ZBED5: variants seen among roughly 807,000 people sequenced by gnomAD.
ZBED5 encodes zinc finger BED-type containing 5, also known as zinc finger BED domain-containing protein 5.
Under a neutral mutation model 49.2 loss-of-function variants are expected in ZBED5, and 29 were observed. The ratio of observed to expected loss-of-function variants is 0.59; its 90% CI spans 0.44 to 0.80. ZBED5 has a LOEUF of 0.80. Ranked by LOEUF, ZBED5 falls within the 30% of genes least tolerant of loss-of-function variation. ZBED5 has a pLI of 0.00. For synonymous variants in ZBED5, 281 were observed against 292.5 expected (o/e 0.96, Z 0.40); for missense variants, 775 against 812.9 (o/e 0.95, Z 0.57).
chr11:10,853,866 TATTA>T lies in ZBED5; in HGVS notation c.1076_1079del (p.Leu359Ter). The T allele has an allele frequency of 6.4e-7, 1 of 1,551,668 alleles. No individual in the cohort carries two copies. The highest frequency in any genetic ancestry group is 1.4e-5 in the African/African-American group (1 of 73,162). ...TGGTGCTTTCGGGAGCCACATATTT[TATTA>T]AGGTGACAGCTTCGGCAATTTTCCC... On this transcript the variant is annotated frameshift_variant, in exon 3 of 3. Transcript: ENST00000413761. LOFTEE classifies it high-confidence loss of function. This position sits in a 1 kb window ranked among gnomAD's most constrained non-coding sequence, Gnocchi z 5.4.
rs1186433788 is a variant in ZBED5 at position 10,853,328 on chromosome 11, T to C, written c.1618A>G (p.Thr540Ala). 1.3e-6 allele frequency: 2 copies of C among 1,551,650 alleles called. No individual in the cohort carries two copies. Among genetic ancestry groups the C allele is most frequent in the East Asian group, 2.4e-5 (1 of 40,930 alleles). ...LSDFLTEINS[T>A]VDKDICSAIV... The stretch of plus-strand genomic sequence containing the variant: ...GCACTGCAAATATCTTTATCAACTG[T>C]AGAATTAATTTCAGTCAAAAAATCA... The change falls in exon 3 of 3, where the codon ACA (threonine) becomes GCA (alanine). Residue 540 changes from threonine (T) to alanine (A), a missense_variant. By Grantham distance (58) the Thr-to-Ala change is moderately conservative (BLOSUM62 0). Transcript: ENST00000413761. The surrounding 1 kb of genome is among the most constrained non-coding windows in gnomAD (Gnocchi z 5.4).
At position 10,853,829 on chromosome 11, in the gene ZBED5, G is replaced by C; in HGVS notation, c.1117C>G (p.Leu373Val). 4 of 1,551,608 alleles carry C rather than the reference G, an allele frequency of 2.6e-6. No individual in the cohort carries two copies. Among genetic ancestry groups the C allele is most frequent in the Non-Finnish European group, 3.5e-6 (4 of 1,146,934 alleles). The change falls in exon 3 of 3, where the codon CTA (leucine) becomes GTA (valine). Residue 373 changes from leucine (L) to valine (V), a missense_variant. Transcript: ENST00000413761. The surrounding 1 kb of genome is among the most constrained non-coding windows in gnomAD (Gnocchi z 5.4). ...VAPESTSSHC[L>V]LYRHALAVKI... The stretch of plus-strand genomic sequence containing the variant: ...ACTGCCAGTGCATGTCTGTATAATA[G>C]GCAGTGACTACTGGTGCTTTCGGGA...
Position 10,854,456 on chromosome 11 carries a change from C to G in ZBED5, c.490G>C (p.Asp164His). Residue 164 changes from aspartate (D) to histidine (H), a missense_variant, in exon 3 of 3, where the codon GAC becomes CAC. Coordinates refer to ENST00000413761, the MANE Select transcript of ZBED5 (RefSeq NM_001143667.2). This position sits in a 1 kb window ranked among gnomAD's most constrained non-coding sequence, Gnocchi z 5.0. ...AGATGTTGCTTGAAAAAGCTTATGT[C>G]TTTGTCTTTATATGCAGCATGTTTA... is the stretch of plus-strand genomic sequence containing the variant. ...ETKHAAYKDKDISFFKQHLDS... is the reference protein window; with the variant it reads ...ETKHAAYKDKHISFFKQHLDS... The G allele has an allele frequency of 6.4e-7, 1 of 1,551,338 alleles. No homozygotes were observed. The highest frequency in any genetic ancestry group is 8.7e-7 in the Non-Finnish European group (1 of 1,146,860).
chr11:10,853,177 C>CGGA lies in ZBED5; in HGVS notation c.1768_1769insTCC (p.Ala589_Arg590insLeu). ...TAAATCAATCAGGCTCTCATAGTCC[C>CGGA]GTGCTACTAATGAAGCTGGTTTAAC... On this transcript the variant is annotated inframe_insertion, in exon 3 of 3. Transcript: ENST00000413761. The surrounding 1 kb of genome is among the most constrained non-coding windows in gnomAD (Gnocchi z 5.4). 2 of 1,551,616 alleles carry CGGA rather than the reference C, an allele frequency of 1.3e-6. No homozygotes were observed. Among genetic ancestry groups the CGGA allele is most frequent in the Middle Eastern group, 3.3e-4 (2 of 5,992 alleles).
In ZBED5 at chr11:10,855,188, A is replaced by C; in HGVS notation, c.-141-102T>G. 2.7e-6 allele frequency: 1 copy of C among 375,790 alleles called. No individual in the cohort carries two copies. The highest frequency in any genetic ancestry group is 4.9e-6 in the Non-Finnish European group (1 of 203,410). The allele number at this position is 375,790 out of a possible 1,614,324, so 23.3% of individuals were successfully genotyped here. A position where few individuals can be genotyped will look rare whatever the true frequency, so the allele number is the denominator to read the frequency against. On this transcript the variant is annotated intron_variant, in intron 2 of 2. Transcript: ENST00000413761. The surrounding 1 kb of genome is among the most constrained non-coding windows in gnomAD (Gnocchi z 4.1). The stretch of plus-strand genomic sequence containing the variant: ...CATATTAAAATCAACCATAAAGAAA[A>C]ACCAATATTAGCATCAATCATTTTC...
In ZBED5 at chr11:10,853,066, A is replaced by C. The variant is rs1388418469; in HGVS notation, c.1880T>G (p.Ile627Ser). Residue 627 changes from isoleucine to serine, a missense_variant, in exon 3 of 3, where the codon ATT (isoleucine) becomes AGT (serine). Ile to Ser is a moderately radical substitution (Grantham distance 142). Coordinates refer to ENST00000413761, the MANE Select transcript of ZBED5 (RefSeq NM_001143667.2). The surrounding 1 kb of genome is among the most constrained non-coding windows in gnomAD (Gnocchi z 5.4). ...WSSLIQEYPS[I>S]ARRAVRVLLP... ...AAGTACACGCACTGCACGCCTTGCA[A>C]TGCTTGGGTATTCCTGAATTAGGCT... 5.8e-6 allele frequency: 9 copies of C among 1,551,606 alleles called. No individual in the cohort carries two copies. Among genetic ancestry groups the C allele is most frequent in the Non-Finnish European group, 7.0e-6 (8 of 1,146,882 alleles).
Position 10,854,555 on chromosome 11 carries a change from G to A in ZBED5, c.391C>T (p.Gln131Ter). 6 of 1,551,430 alleles carry A rather than the reference G, an allele frequency of 3.9e-6. No individual in the cohort carries two copies. Among genetic ancestry groups the A allele is most frequent in the Non-Finnish European group, 5.2e-6 (6 of 1,146,912 alleles). ...YFGNRDAPHA[Q>*]CVLCKKILSN... is the part of the protein sequence containing the mutation. ...AAAATTTTCTTACATAATACACACTGAGCATGAGGTGCATCTCTATTTCCG... is the reference window on the plus strand; with the variant it reads ...AAAATTTTCTTACATAATACACACTAAGCATGAGGTGCATCTCTATTTCCG... The change falls in exon 3 of 3, where the codon CAG (glutamine) becomes TAG (stop). Residue 131 changes from glutamine to a stop codon, truncating the protein, a stop_gained. Coordinates refer to ENST00000413761, the MANE Select transcript of ZBED5 (RefSeq NM_001143667.2). LOFTEE classifies it high-confidence loss of function. The surrounding 1 kb of genome is among the most constrained non-coding windows in gnomAD (Gnocchi z 5.0).
Position 10,853,353 on chromosome 11 carries a change from A to C in ZBED5, c.1593T>G (p.Ser531Arg). ...EENFDCFPTLSDFLTEINSTV... is the reference protein window; with the variant it reads ...EENFDCFPTLRDFLTEINSTV... Reference sequence around the variant, plus strand: ...TAGAATTAATTTCAGTCAAAAAATCACTGAGTGTAGGAAAACAATCAAAGT... The same window carrying C: ...TAGAATTAATTTCAGTCAAAAAATCCCTGAGTGTAGGAAAACAATCAAAGT... The change falls in exon 3 of 3, where the codon AGT becomes AGG. Residue 531 changes from serine (S) to arginine (R), a missense_variant. Ser to Arg is a moderately radical substitution (Grantham distance 110, BLOSUM62 -1). Coordinates refer to ENST00000413761, the MANE Select transcript of ZBED5 (RefSeq NM_001143667.2). This position sits in a 1 kb window ranked among gnomAD's most constrained non-coding sequence, Gnocchi z 5.4. 1 of 1,551,620 alleles carries C rather than the reference A, an allele frequency of 6.4e-7. No individual in the cohort carries two copies. Among genetic ancestry groups the C allele is most frequent in the South Asian group, 1.2e-5 (1 of 84,058 alleles).
At position 10,856,200 on chromosome 11, in the gene ZBED5, T is replaced by G. The variant is rs947290637; in HGVS notation, c.-198A>C. The G allele has an allele frequency of 6.6e-6, 1 of 152,046 alleles. No homozygotes were observed. Among genetic ancestry groups the G allele is most frequent in the Non-Finnish European group, 1.5e-5 (1 of 68,008 alleles). The allele number at this position is 152,046 out of a possible 1,614,324, so 9.4% of individuals were successfully genotyped here. On this transcript the variant is annotated 5_prime_UTR_variant, in exon 2 of 3. Transcript: ENST00000413761. ...CTCTCTCCACCTTGGCAGCTTGAAA[T>G]GCACTCTTCAAAAGAATAAAATTAA...
At position 10,855,326 on chromosome 11, in the gene ZBED5, T is replaced by C. The variant is rs1011467148; in HGVS notation, c.-141-240A>G. On this transcript the variant is annotated intron_variant, in intron 2 of 2. Transcript: ENST00000413761. This position sits in a 1 kb window ranked among gnomAD's most constrained non-coding sequence, Gnocchi z 4.1. ...ATACATATTTTTAAGAAAGGGACCC[T>C]GAAGAATATGTCCCATGGCAGGGGT... Among the ~76,000 whole-genome samples, 2 of 152,172 alleles carry C rather than the reference T, an allele frequency of 1.3e-5. No homozygotes were observed. Among genetic ancestry groups the C allele is most frequent in the African/African-American group, 4.8e-5 (2 of 41,438 alleles).
Position 10,853,053 on chromosome 11 carries a change from T to A in ZBED5, c.1893A>T (p.Ala631=). The A allele has an allele frequency of 6.4e-7, 1 of 1,551,600 alleles. No individual in the cohort carries two copies. Among genetic ancestry groups the A allele is most frequent in the Non-Finnish European group, 8.7e-7 (1 of 1,146,878 alleles). Residue 631 remains alanine (A), a synonymous_variant, in exon 3 of 3, where the codon GCA becomes GCT. Transcript: ENST00000413761. The surrounding 1 kb of genome is among the most constrained non-coding windows in gnomAD (Gnocchi z 5.4). ...IQEYPSIARR[A]VRVLLPFATM... ...TAGCAAAAGGAAGAAGTACACGCAC[T>A]GCACGCCTTGCAATGCTTGGGTATT...
chr11:10,856,296 C>T (rs1848179307), intron 1 of ZBED5, 39 bp from the exon 2 acceptor site: 2 of 152,130 alleles, frequency 1.3e-5, no homozygotes, highest in South Asian at 4.1e-4. Context: ...CAGTAACAAG[C>T]AGAACTAACT....
In ZBED5 at chr11:10,853,389, T is replaced by C. The variant is rs1394472154; in HGVS notation, c.1557A>G (p.Val519=). Residue 519 remains valine (V), a synonymous_variant, in exon 3 of 3, where the codon GTA becomes GTG. Coordinates refer to ENST00000413761, the MANE Select transcript of ZBED5 (RefSeq NM_001143667.2). The surrounding 1 kb of genome is among the most constrained non-coding windows in gnomAD (Gnocchi z 5.4). The part of the protein sequence containing the change: ...LRKLEFWASS[V]EEENFDCFPT... ...GAAAACAATCAAAGTTTTCTTCTTC[T>C]ACAGATGAGGCCCAAAATTCCAATT... 1.9e-6 allele frequency: 3 copies of C among 1,550,598 alleles called. No homozygotes were observed. The Admixed American group carries it at 5.9e-5, about 31-fold the overall frequency.
In ZBED5 at chr11:10,853,156, T is replaced by G; in HGVS notation, c.1790A>C (p.Asp597Ala). The change falls in exon 3 of 3, where the codon GAT (aspartate) becomes GCT (alanine). Residue 597 changes from aspartate to alanine, a missense_variant. Asp to Ala is a moderately radical substitution (Grantham distance 126). Coordinates refer to ENST00000413761, the MANE Select transcript of ZBED5 (RefSeq NM_001143667.2). This position sits in a 1 kb window ranked among gnomAD's most constrained non-coding sequence, Gnocchi z 5.4. ...CTTCACTTGAGAATCAGATGTTAAA[T>G]CAATCAGGCTCTCATAGTCCCGTGC... The part of the protein sequence containing the change: ...LVARDYESLI[D>A]LTSDSQVKQN... 6.4e-7 allele frequency: 1 copy of G among 1,551,662 alleles called. No homozygotes were observed. Among genetic ancestry groups the G allele is most frequent in the Non-Finnish European group, 8.7e-7 (1 of 1,146,956 alleles).
rs1848179048 is a variant in ZBED5 at position 10,856,273 on chromosome 11, T to C, written c.-255-16A>G. On this transcript the variant is annotated splice_polypyrimidine_tract_variant and intron_variant, in intron 1 of 2. Coordinates refer to ENST00000413761, the MANE Select transcript of ZBED5 (RefSeq NM_001143667.2). ...AACCAAAAGCCTAGAATGAGAAAAA[T>C]TAAAATTAGATACAGTAACAAGCAG... 1 of 151,976 alleles carries C rather than the reference T, an allele frequency of 6.6e-6. No individual in the cohort carries two copies. The highest frequency in any genetic ancestry group is 2.1e-4 in the South Asian group (1 of 4,818). The allele number at this position is 151,976 out of a possible 1,614,324, so 9.4% of individuals were successfully genotyped here.
At chr11:10,856,290 A>G (rs1761574905) in intron 1 of ZBED5, 33 bp from the exon 2 acceptor site, 2 of 152,208 alleles carry the variant, frequency 1.3e-5, no homozygotes, top group Non-Finnish European at 2.9e-5. Flanking sequence ...TAGATACAGT[A>G]ACAAGCAGAA....
Position 10,854,341 on chromosome 11 carries a change from T to C in ZBED5, c.605A>G (p.Tyr202Cys), listed in dbSNP as rs1444853627. Reference protein sequence around the residue: ...SATEASYNVSYHIALSGEAHT... With the variant: ...SATEASYNVSCHIALSGEAHT... ...AGCCTCTCCACTCAGCGCTATATGG[T>C]AACTTACATTGTATGATGCTTCTGT... The change falls in exon 3 of 3, where the codon TAC becomes TGC. Residue 202 changes from tyrosine to cysteine, a missense_variant. Coordinates refer to ENST00000413761, the MANE Select transcript of ZBED5 (RefSeq NM_001143667.2). The surrounding 1 kb of genome is among the most constrained non-coding windows in gnomAD (Gnocchi z 5.0). 2 of 1,550,654 alleles carry C rather than the reference T, an allele frequency of 1.3e-6. No individual in the cohort carries two copies. Among genetic ancestry groups the C allele is most frequent in the Non-Finnish European group, 1.7e-6 (2 of 1,146,942 alleles).
rs185190433 is a variant in ZBED5 at position 10,855,589 on chromosome 11, G to A, written c.-141-503C>T. 2 of 152,312 alleles carry A rather than the reference G, an allele frequency of 1.3e-5. No individual in the cohort carries two copies. The highest frequency in any genetic ancestry group is 1.3e-4 in the Admixed American group (2 of 15,300). The allele number at this position is 152,312 out of a possible 1,614,324, so 9.4% of individuals were successfully genotyped here. A position where few individuals can be genotyped will look rare whatever the true frequency, so the allele number is the denominator to read the frequency against. On this transcript the variant is annotated intron_variant, in intron 2 of 2. Transcript: ENST00000413761. The surrounding 1 kb of genome is among the most constrained non-coding windows in gnomAD (Gnocchi z 4.1). The stretch of plus-strand genomic sequence containing the variant: ...ATGCCTACTGTCATTAGATGTATTA[G>A]TTGTTGATACTATTATATATCTGAA...
Position 10,855,538 on chromosome 11 carries a change from T to C in ZBED5, c.-141-452A>G, listed in dbSNP as rs985050959. On this transcript the variant is annotated intron_variant, in intron 2 of 2. Transcript: ENST00000413761. This position sits in a 1 kb window ranked among gnomAD's most constrained non-coding sequence, Gnocchi z 4.1. ...ATCAGCCCTGTCTCATGGTATGTAG[T>C]ATTGTGAAATCTCTTTTAGCTTTTG... 1 of 152,284 alleles carries C rather than the reference T, an allele frequency of 6.6e-6. No homozygotes were observed. Among genetic ancestry groups the C allele is most frequent in the Non-Finnish European group, 1.5e-5 (1 of 68,108 alleles). The allele number at this position is 152,284 out of a possible 1,614,324, so 9.4% of individuals were successfully genotyped here.
Sources: allele counts gnomAD v4.1 joint callset (sites outside exome capture counted in the v4.1 genomes callset), GRCh38; gene constraint gnomAD v4.1.1; non-coding constraint Gnocchi (gnomAD v3.1); transcripts MANE v1.5; gene names NCBI Gene and HGNC (gene_info 2026-07-23, HGNC 2026-07-21).